AGPAT5: variants seen among roughly 807,000 people sequenced by gnomAD.
The protein encoded by AGPAT5 is 1-acyl-sn-glycerol-3-phosphate acyltransferase epsilon.
In AGPAT5, 46 loss-of-function variants were observed where a neutral mutation model predicts 45.6. That is an observed-to-expected ratio of 1.01 (90% confidence interval 0.80 to 1.29). The LOEUF (loss-of-function observed/expected upper bound fraction) is 1.29. Among genes scored for constraint, AGPAT5 ranks in the 50% most tolerant of loss-of-function variants. The pLI is 0.00. For missense variants in AGPAT5, 673 were observed against 450.7 expected (o/e 1.49, Z -4.47); for synonymous variants, 272 against 167.0 (o/e 1.63, Z -4.85).
intron 1 of AGPAT5, among the ~76,000 whole-genome samples, chr8:6,713,260 A>G (rs773091728): frequency 1.2e-4 from 19 of 152,186 alleles, no homozygotes; most frequent in Non-Finnish European, 2.6e-4. Flanking sequence ...GTGAGCCACC[A>G]TGCCTAGCCC....
At chr8:6,752,325 T>C (rs76570716) in intron 6 of AGPAT5, among the ~76,000 whole-genome samples, 107 of 152,364 alleles carry the variant, frequency 7.0e-4, no homozygotes, top group African/African-American at 2.3e-3. Context: ...TTTTTTATAA[T>C]GTCTATATGT....
chr8:6,751,677 G>T (rs1163224401), intron 6 of AGPAT5, among the ~76,000 whole-genome samples: 1 of 152,114 alleles, frequency 6.6e-6, no homozygotes, highest in African/African-American at 2.4e-5. Context: ...ATGTCATTGC[G>T]GCAGAGACGA....
chr8:6,719,982 G>C (rs17573820), intron 1 of AGPAT5, among the ~76,000 whole-genome samples: 4,744 of 152,306 alleles, frequency 0.031, 98 homozygotes, highest in Non-Finnish European at 0.048. Context: ...TTGATCAGTG[G>C]TTGGGACTTT....
At chr8:6,742,914 T>C (rs901746188) in intron 5 of AGPAT5, among the ~76,000 whole-genome samples, 1 of 152,236 alleles carries the variant, frequency 6.6e-6, no homozygotes, top group Non-Finnish European at 1.5e-5. Flanking sequence ...AGACATGACG[T>C]TCTGTCATTT....
At position 6,760,153 on chromosome 8, in the gene AGPAT5, A is replaced by T. The variant is rs1356017648; in HGVS notation, c.*2765A>T. On this transcript the variant is annotated 3_prime_UTR_variant, in exon 8 of 8. Transcript: ENST00000285518. ...TCTGTGTCAATCAAGTGATCTAACT[A>T]GACTGATCATAGATAGAAGGAAATA... 6.6e-6 allele frequency among the ~76,000 whole-genome samples: 1 copy of T among 152,204 alleles called. No homozygotes were observed. The highest frequency in any genetic ancestry group is 1.5e-5 in the Non-Finnish European group (1 of 68,036).
chr8:6,729,190 A>C (rs928200675), intron 2 of AGPAT5, among the ~76,000 whole-genome samples: 1 of 152,220 alleles, frequency 6.6e-6, no homozygotes, highest in Non-Finnish European at 1.5e-5. Context: ...TAAAATGGCT[A>C]AATCTTTTTT....
intron 7 of AGPAT5, 27 bp from the exon 8 acceptor site, chr8:6,757,136 T>G: frequency 6.3e-7 from 1 of 1,579,192 alleles, no homozygotes; most frequent in South Asian, 1.1e-5. Flanking sequence ...GTGACTAAAA[T>G]CTAAACTTTT....
At chr8:6,729,096 G>A (rs1030247683) in intron 2 of AGPAT5, among the ~76,000 whole-genome samples, 2 of 152,138 alleles carry the variant, frequency 1.3e-5, no homozygotes, top group Admixed American at 6.5e-5. Context: ...TCAAGAAAAA[G>A]TTAACTTGTG....
chr8:6,709,808 T>G (rs896268792), intron 1 of AGPAT5, among the ~76,000 whole-genome samples: 1 of 152,112 alleles, frequency 6.6e-6, no homozygotes, highest in African/African-American at 2.4e-5. Flanking sequence ...TGATCGACCC[T>G]TGATGGCCCC....
At position 6,760,785 on chromosome 8, in the gene AGPAT5, A is replaced by C. The variant is rs889785668; in HGVS notation, c.*3397A>C. Among the ~76,000 whole-genome samples, 2 of 151,920 alleles carry C rather than the reference A, an allele frequency of 1.3e-5. No individual in the cohort carries two copies. Among genetic ancestry groups the C allele is most frequent in the Non-Finnish European group, 2.9e-5 (2 of 68,036 alleles). On this transcript the variant is annotated 3_prime_UTR_variant, in exon 8 of 8. Coordinates refer to ENST00000285518, the MANE Select transcript of AGPAT5 (RefSeq NM_018361.5). ...TACGTTATCACTTAGTATAATTGAC[A>C]TTATATAGAGACTATGTAACATGCA...
chr8:6,715,496 A>G (rs1459720906), intron 1 of AGPAT5, among the ~76,000 whole-genome samples: 1 of 152,188 alleles, frequency 6.6e-6, no homozygotes, highest in Non-Finnish European at 1.5e-5. Context: ...GTGTGCAAGT[A>G]TTGTTCTATT....
chr8:6,717,877 C>T (rs1800383128), intron 1 of AGPAT5, among the ~76,000 whole-genome samples: 1 of 152,154 alleles, frequency 6.6e-6, no homozygotes, highest in African/African-American at 2.4e-5. Context: ...TCTCACTTGA[C>T]ATTTTTTATT....
In AGPAT5 at chr8:6,732,626, G is replaced by A; in HGVS notation, c.471G>A (p.Gln157=). Residue 157 remains glutamine (Q), a synonymous_variant, in exon 4 of 8, where the codon CAG becomes CAA. Transcript: ENST00000285518. ...AGAAAGAGATGCGAAACAAGTTGCA[G>A]AGCTACGTGGACGCAGGAACTCCAG... is the stretch of plus-strand genomic sequence containing the variant. ...FNEKEMRNKL[Q]SYVDAGTPMY... is the part of the protein sequence containing the mutation. 4 of 1,610,814 alleles carry A rather than the reference G, an allele frequency of 2.5e-6. No individual in the cohort carries two copies. The highest frequency in any genetic ancestry group is 1.1e-5 in the South Asian group (1 of 90,420).
chr8:6,754,517 G>C (rs1407016044), intron 6 of AGPAT5, among the ~76,000 whole-genome samples: 1 of 152,190 alleles, frequency 6.6e-6, no homozygotes, highest in Non-Finnish European at 1.5e-5. Flanking sequence ...GCAAAGTTGA[G>C]GATTATCAGG....
intron 4 of AGPAT5, 105 bp downstream of exon 4, chr8:6,732,755 T>A: frequency 2.0e-6 from 2 of 1,009,374 alleles, no homozygotes; most frequent in Non-Finnish European, 1.4e-6. Flanking sequence ...TTCCCATGTG[T>A]AATTACTAAT....
Position 6,757,549 on chromosome 8 carries a change from G to C in AGPAT5, c.*161G>C. On this transcript the variant is annotated 3_prime_UTR_variant, in exon 8 of 8. Transcript: ENST00000285518. Reference sequence around the variant, plus strand: ...TTGTGACGAAAGCTGATATGCAATGGTCTTGGGCAAACATACCTGGTTGTA... The same window carrying C: ...TTGTGACGAAAGCTGATATGCAATGCTCTTGGGCAAACATACCTGGTTGTA... The C allele has an allele frequency of 1.6e-6, 1 of 626,330 alleles. No individual in the cohort carries two copies. The highest frequency in any genetic ancestry group is 2.7e-6 in the Non-Finnish European group (1 of 364,452). 38.8% of individuals were successfully genotyped at this position (626,330 alleles called of 1,614,324 possible).
chr8:6,747,958 C>A, intron 6 of AGPAT5, 130 bp downstream of exon 6: 2 of 979,956 alleles, frequency 2.0e-6, no homozygotes, highest in Non-Finnish European at 1.4e-6. Flanking sequence ...GTATATTTTT[C>A]AAGATGTTAT....
intron 3 of AGPAT5, among the ~76,000 whole-genome samples, chr8:6,731,264 G>A (rs1450724995): frequency 6.6e-6 from 1 of 152,060 alleles, no homozygotes; most frequent in African/African-American, 2.4e-5. Flanking sequence ...AATTTTGTTT[G>A]GCATTTTTAG....
chr8:6,757,161 A>G lies in AGPAT5; in HGVS notation c.870-2A>G, dbSNP rs1162551071. On this transcript the variant is annotated splice_acceptor_variant, in intron 7 of 7. Coordinates refer to ENST00000285518, the MANE Select transcript of AGPAT5 (RefSeq NM_018361.5). LOFTEE classifies it high-confidence loss of function. ...TCTAAACTTTTTCCATTCTGGCCAT[A>G]GGATGCTTATAGAATTTTATGAGTC... 6.2e-7 allele frequency: 1 copy of G among 1,611,270 alleles called. No homozygotes were observed. The highest frequency in any genetic ancestry group is 8.5e-7 in the Non-Finnish European group (1 of 1,178,456).
Sources: gnomAD v4.1 joint callset for allele counts (sites outside exome capture counted in the v4.1 genomes callset) on GRCh38, gnomAD v4.1.1 for gene constraint, MANE v1.5 for transcripts, NCBI Gene and HGNC (gene_info 2026-07-23, HGNC 2026-07-21) for gene names.